TSPEAR: variants seen among roughly 807,000 people sequenced by gnomAD.
TSPEAR encodes the protein thrombospondin type laminin G domain and EAR repeats.
TSPEAR carries 69 observed loss-of-function variants against 71.6 expected under a neutral mutation model. That is an observed-to-expected ratio of 0.96 (90% CI 0.79 to 1.18). The LOEUF is 1.18. Among genes scored for constraint, TSPEAR ranks in the 50% most tolerant of loss-of-function variants. TSPEAR has a pLI of 0.00. For synonymous variants in TSPEAR, 402 were observed against 387.2 expected, an observed-to-expected ratio of 1.04 and a Z score of -0.45; for missense variants, 971 against 894.9, an observed-to-expected ratio of 1.09 and a Z score of -1.09.
intron 1 of TSPEAR, among the ~76,000 whole-genome samples, chr21:44,705,079 C>T (rs192213270): frequency 2.6e-4 from 40 of 152,288 alleles, no homozygotes; most frequent in African/African-American, 8.7e-4. Context: ...GGCAGAAGAA[C>T]GTGGATTGTG....
chr21:44,580,197 G>C, intron 1 of TSPEAR: 1 of 1,614,130 alleles, frequency 6.2e-7, no homozygotes, highest in Non-Finnish European at 8.5e-7. Flanking sequence ...CAGCAGGACT[G>C]CTGGCAGGAG....
chr21:44,637,472 G>T, intron 1 of TSPEAR: 2 of 1,613,350 alleles, frequency 1.2e-6, no homozygotes, highest in Non-Finnish European at 1.7e-6. Context: ...CTCTTGGCGG[G>T]TAGTCGACTG....
At chr21:44,537,053 T>C (rs782769225) in intron 2 of TSPEAR, among the ~76,000 whole-genome samples, 37 of 152,260 alleles carry the variant, frequency 2.4e-4, no homozygotes, top group Non-Finnish European at 4.6e-4. Context: ...GGAACTATTG[T>C]ACTGTGTAAC....
chr21:44,581,690 C>CTT (rs1196108190), intron 1 of TSPEAR, among the ~76,000 whole-genome samples: 151,993 of 152,374 alleles, frequency 1, 75,810 homozygotes, highest in Middle Eastern at 1. Context: ...AAAAATAACT[C>CTT]ATCTCTCAAG....
At position 44,504,722 on chromosome 21, in the gene TSPEAR, T is replaced by A; in HGVS notation, c.1856+58A>T. On this transcript the variant is annotated intron_variant, in intron 11 of 11. Coordinates refer to ENST00000323084, the MANE Select transcript of TSPEAR (RefSeq NM_144991.3). ...GTCTCTTGGAGGAGGCCGGCCTCGG[T>A]GAGCCCACAGTGGGGAAGCAAGGCT... 3.6e-6 allele frequency: 4 copies of A among 1,120,892 alleles called. No homozygotes were observed. The South Asian group carries it at 5.0e-5, about 14-fold the overall frequency. The allele number at this position is 1,120,892 out of a possible 1,614,324, so 69.4% of individuals were successfully genotyped here.
intron 1 of TSPEAR, chr21:44,658,404 G>A (rs587757222): frequency 1.5e-5 from 13 of 855,388 alleles, no homozygotes; most frequent in Admixed American, 5.7e-5. Context: ...GGGTGAGAAC[G>A]TGGAAAAATG....
chr21:44,621,985 T>C (rs2146193459), intron 1 of TSPEAR, among the ~76,000 whole-genome samples: 1 of 152,292 alleles, frequency 6.6e-6, no homozygotes, highest in South Asian at 2.1e-4. Flanking sequence ...TTTTTTTTGG[T>C]CCCTTTACAA....
intron 1 of TSPEAR, among the ~76,000 whole-genome samples, chr21:44,684,726 T>G (rs1986777069): frequency 6.6e-6 from 1 of 151,538 alleles, no homozygotes; most frequent in South Asian, 2.1e-4. Flanking sequence ...GTGCTTTAGG[T>G]TGACTAGGAC....
chr21:44,628,055 C>T, intron 1 of TSPEAR: 1 of 1,607,782 alleles, frequency 6.2e-7, no homozygotes, highest in Non-Finnish European at 8.5e-7. Context: ...TGCTGACGGT[C>T]ATGTCCCCCA....
At chr21:44,566,686 A>T (rs2053707603) in intron 2 of TSPEAR, among the ~76,000 whole-genome samples, 1 of 152,200 alleles carries the variant, frequency 6.6e-6, no homozygotes, top group South Asian at 2.1e-4. Flanking sequence ...ATAAAGTAAA[A>T]TTGAGAGTCC....
At chr21:44,580,122 A>C (rs1555924781) in intron 1 of TSPEAR, 4 of 1,613,702 alleles carry the variant, frequency 2.5e-6, no homozygotes, top group Non-Finnish European at 3.4e-6. Flanking sequence ...GAATGCTGGC[A>C]GCATGAAGAG....
intron 1 of TSPEAR, among the ~76,000 whole-genome samples, chr21:44,648,745 G>A (rs1344903367): frequency 3.3e-5 from 5 of 152,146 alleles, no homozygotes; most frequent in African/African-American, 1.2e-4. Flanking sequence ...GATGGCTCCC[G>A]AGGGGAAAGG....
intron 9 of TSPEAR, chr21:44,517,462 G>T (rs1329389543): frequency 3.6e-6 from 1 of 274,964 alleles, no homozygotes; most frequent in Non-Finnish European, 7.2e-6. Flanking sequence ...GTGAGGACGT[G>T]AGCACAGGTC....
intron 1 of TSPEAR, chr21:44,574,544 C>A (rs1161392599): frequency 6.2e-7 from 1 of 1,609,268 alleles, no homozygotes; most frequent in African/African-American, 1.4e-5. Context: ...CTTGCTGCAC[C>A]TCCTCTCCCT....
intron 1 of TSPEAR, among the ~76,000 whole-genome samples, chr21:44,569,353 A>G (rs1555922207): frequency 1.8e-4 from 27 of 152,134 alleles, no homozygotes. Flanking sequence ...TGTAACGGGC[A>G]CTTACAAAAA....
intron 1 of TSPEAR, chr21:44,697,951 A>G (rs782345414): frequency 1.4e-4 from 232 of 1,601,912 alleles, no homozygotes; most frequent in Non-Finnish European, 1.9e-4. Flanking sequence ...GCCTCTGCTC[A>G]GGCCAGAAGT....
rs376213089 is a variant in TSPEAR at position 44,588,690 on chromosome 21, T to TTATATATAATATA, written c.83-20686_83-20685insTATATTATATATA. On this transcript the variant is annotated intron_variant, in intron 1 of 11. Coordinates refer to ENST00000323084, the MANE Select transcript of TSPEAR (RefSeq NM_144991.3). ...ATATATATAATATATATATATTTATTTATATATTTATATATATAAACTGAT... is the reference window on the plus strand; with the variant it reads ...ATATATATAATATATATATATTTATTTATATATAATATATATATATTTATATATATAAACTGAT... Among the ~76,000 whole-genome samples, 3 of 142,164 alleles carry TTATATATAATATA rather than the reference T, an allele frequency of 2.1e-5. No individual in the cohort carries two copies. In the Admixed American group the frequency reaches 2.1e-4, roughly 10 times the overall value. 93.3% of individuals were successfully genotyped at this position (142,164 alleles called of 152,430 possible).
intron 1 of TSPEAR, among the ~76,000 whole-genome samples, chr21:44,616,654 C>G (rs998023370): frequency 1.1e-4 from 16 of 152,250 alleles, no homozygotes; most frequent in African/African-American, 3.6e-4. Context: ...AGACCCTGCC[C>G]TGGTCAGCAC....
chr21:44,559,479 G>A (rs782760874), intron 2 of TSPEAR, among the ~76,000 whole-genome samples: 2 of 152,134 alleles, frequency 1.3e-5, no homozygotes, highest in Non-Finnish European at 2.9e-5. Context: ...GCCTTCCCCC[G>A]GTGGTGTGCA....
Sources: gnomAD v4.1 joint callset for allele counts (sites outside exome capture counted in the v4.1 genomes callset) on GRCh38, gnomAD v4.1.1 for gene constraint, MANE v1.5 for transcripts, NCBI Gene and HGNC (gene_info 2026-07-23, HGNC 2026-07-21) for gene names.